MAN2A1: variants seen among roughly 807,000 people sequenced by gnomAD.
MAN2A1 encodes the protein mannosidase alpha class 2A member 1, also known as alpha-mannosidase 2.
In MAN2A1, 76 loss-of-function variants were observed where a neutral mutation model predicts 142.6. The observed-to-expected ratio is 0.53, with a 90% CI of 0.44 to 0.65. The LOEUF (loss-of-function observed/expected upper bound fraction) is 0.65. MAN2A1 is among the 30% of genes least tolerant of loss of function. The pLI is 0.00. For synonymous variants in MAN2A1, 559 were observed against 473.2 expected (o/e 1.18, Z -2.35); for missense variants, 1,311 against 1,365.1 (o/e 0.96, Z 0.62).
At position 109,793,748 on chromosome 5, in the gene MAN2A1, C is replaced by T. The variant is rs897155705; in HGVS notation, c.1943+4221C>T. 4.6e-5 allele frequency among the ~76,000 whole-genome samples: 7 copies of T among 152,046 alleles called. No individual in the cohort carries two copies. In the East Asian group the frequency reaches 7.7e-4, roughly 17 times the overall value. On this transcript the variant is annotated intron_variant, in intron 12 of 21. Transcript: ENST00000261483. ...CATTGCATTCTTACAGAGTTAACTT[C>T]GTTAAGATTGGATATTGGGTGAATG...
chr5:109,800,292 C>A (rs1353456881), intron 12 of MAN2A1, among the ~76,000 whole-genome samples: 1 of 152,132 alleles, frequency 6.6e-6, no homozygotes, highest in African/African-American at 2.4e-5. Flanking sequence ...CATATGACTC[C>A]ATGGGACTGT....
In MAN2A1 at chr5:109,755,316, A is replaced by G. The variant is rs1345479786; in HGVS notation, c.708-13A>G. ...ACATTTATTAATGTAGACTCTTGTT[A>G]TTTTCTCTCTAGTTTAATAGAAAAT... On this transcript the variant is annotated splice_polypyrimidine_tract_variant and intron_variant, in intron 4 of 21. Coordinates refer to ENST00000261483, the MANE Select transcript of MAN2A1 (RefSeq NM_002372.4). 1 of 1,602,428 alleles carries G rather than the reference A, an allele frequency of 6.2e-7. No individual in the cohort carries two copies.
At chr5:109,777,717 A>T (rs1045179614) in intron 8 of MAN2A1, among the ~76,000 whole-genome samples, 1 of 152,112 alleles carries the variant, frequency 6.6e-6, no homozygotes, top group African/African-American at 2.4e-5. Context: ...TCTATAATCT[A>T]TCTGAAATGG....
At chr5:109,850,210 A>T (rs73781826) in intron 19 of MAN2A1, among the ~76,000 whole-genome samples, 62 of 152,248 alleles carry the variant, frequency 4.1e-4, no homozygotes, top group African/African-American at 1.4e-3. Context: ...TGCCTAATAT[A>T]TGTCATATGA....
intron 4 of MAN2A1, among the ~76,000 whole-genome samples, chr5:109,745,899 G>A (rs1421718779): frequency 6.6e-6 from 1 of 152,194 alleles, no homozygotes; most frequent in Non-Finnish European, 1.5e-5. Context: ...TTATAGGTGT[G>A]AGCCACTGCA....
chr5:109,786,913 C>G (rs1582896538), intron 10 of MAN2A1, among the ~76,000 whole-genome samples: 1 of 151,994 alleles, frequency 6.6e-6, no homozygotes, highest in South Asian at 2.1e-4. Flanking sequence ...GGTATGGCAG[C>G]TCTGCAGTGT....
chr5:109,832,864 A>T (rs1197014712), intron 16 of MAN2A1, among the ~76,000 whole-genome samples: 1 of 144,962 alleles, frequency 6.9e-6, no homozygotes, highest in Non-Finnish European at 1.5e-5. Flanking sequence ...GGGGCTCCTC[A>T]CTTCCCAGAC....
At chr5:109,777,883 G>T (rs561227238) in intron 8 of MAN2A1, among the ~76,000 whole-genome samples, 1 of 152,172 alleles carries the variant, frequency 6.6e-6, no homozygotes, top group South Asian at 2.1e-4. Context: ...GTGTGGGTCT[G>T]TGTCTACACT....
chr5:109,718,383 T>G (rs1369215049), intron 3 of MAN2A1, among the ~76,000 whole-genome samples: 1 of 152,250 alleles, frequency 6.6e-6, no homozygotes, highest in African/African-American at 2.4e-5. Context: ...CATGGTTTAC[T>G]GGGCAGAATG....
intron 4 of MAN2A1, among the ~76,000 whole-genome samples, chr5:109,751,334 A>G (rs550964603): frequency 7.9e-5 from 12 of 152,176 alleles, no homozygotes; most frequent in African/African-American, 2.9e-4. Context: ...ATGATTTCAT[A>G]GGTTTTTATG....
At chr5:109,801,037 T>C (rs187981157) in intron 12 of MAN2A1, among the ~76,000 whole-genome samples, 1 of 152,370 alleles carries the variant, frequency 6.6e-6, no homozygotes, top group East Asian at 1.9e-4. Flanking sequence ...CAATATGACT[T>C]CTTGTATGTA....
Position 109,767,682 on chromosome 5 carries a change from T to G in MAN2A1, c.983T>G (p.Leu328Trp). Residue 328 changes from leucine (L) to tryptophan (W), a missense_variant, in exon 6 of 22, where the codon TTG (leucine) becomes TGG (tryptophan). This residue lies in a region of MAN2A1 where 409 missense variants were observed against 412.7 expected (regional missense o/e 0.99). Coordinates refer to ENST00000261483, the MANE Select transcript of MAN2A1 (RefSeq NM_002372.4). The part of the protein sequence containing the change: ...VKKHFALHKT[L>W]EFFWRQNWDL... ...AAACACTTTGCACTGCATAAAACAT[T>G]GGAGTTTTTTTGGAGACAGAATTGG... 1.9e-6 allele frequency: 3 copies of G among 1,612,782 alleles called. No individual in the cohort carries two copies. Among genetic ancestry groups the G allele is most frequent in the Non-Finnish European group, 2.5e-6 (3 of 1,179,508 alleles).
rs147316254 is a variant in MAN2A1 at position 109,706,057 on chromosome 5, T to G, written c.136-7463T>G. Among the ~76,000 whole-genome samples, 357 of 152,352 alleles carry G rather than the reference T, an allele frequency of 2.3e-3. 5 individuals are homozygous for G. The highest frequency in any genetic ancestry group is 7.9e-3 in the African/African-American group (327 of 41,578). The stretch of plus-strand genomic sequence containing the variant: ...ATTTCAGGGATTATTAGGACAGGGA[T>G]ATCTTTGACTAAACATTATTCTGCT... On this transcript the variant is annotated intron_variant, in intron 1 of 21. Coordinates refer to ENST00000261483, the MANE Select transcript of MAN2A1 (RefSeq NM_002372.4).
At chr5:109,784,718 TA>T in intron 9 of MAN2A1, 25 bp from the exon 10 acceptor site, 2 of 1,515,184 alleles carry the variant, frequency 1.3e-6, no homozygotes, top group Non-Finnish European at 1.8e-6. Flanking sequence ...TGTTTTAAAA[TA>T]AAAATATGAC....
intron 12 of MAN2A1, among the ~76,000 whole-genome samples, chr5:109,794,625 C>T (rs1753816184): frequency 2.0e-5 from 3 of 152,044 alleles, no homozygotes; most frequent in African/African-American, 7.2e-5. Flanking sequence ...CTGTTTTGAA[C>T]TTTTCTTTTG....
chr5:109,726,531 A>G (rs1052596408), intron 3 of MAN2A1, among the ~76,000 whole-genome samples: 22 of 152,162 alleles, frequency 1.4e-4, no homozygotes, highest in Non-Finnish European at 1.3e-4. Flanking sequence ...ATTTTGGCTC[A>G]TGTGAATGTC....
chr5:109,733,825 T>G (rs568714748), intron 4 of MAN2A1, among the ~76,000 whole-genome samples: 6 of 152,310 alleles, frequency 3.9e-5, no homozygotes, highest in Non-Finnish European at 5.9e-5. Context: ...AAAATTCTCT[T>G]TTTTGGTTGT....
intron 8 of MAN2A1, among the ~76,000 whole-genome samples, chr5:109,779,613 T>C (rs1256015087): frequency 6.6e-6 from 1 of 151,844 alleles, no homozygotes; most frequent in Admixed American, 6.6e-5. Flanking sequence ...CTAGTAATGC[T>C]TGTGAGTAAT....
Position 109,690,257 on chromosome 5 carries a change from G to A in MAN2A1, c.-161G>A. ...GCCAAGGGCGTGTGGTGGCGCCGGA[G>A]ACTAGGTGCGGAGCAAGGCGGGGAC... On this transcript the variant is annotated 5_prime_UTR_variant, in exon 1 of 22. Transcript: ENST00000261483. 5.8e-6 allele frequency: 4 copies of A among 690,890 alleles called. No individual in the cohort carries two copies. Among genetic ancestry groups the A allele is most frequent in the Non-Finnish European group, 1.0e-5 (4 of 398,770 alleles). The allele number at this position is 690,890 out of a possible 1,614,324, so 42.8% of individuals were successfully genotyped here.
Sources: gnomAD v4.1 joint callset for allele counts (sites outside exome capture counted in the v4.1 genomes callset) on GRCh38, gnomAD v4.1.1 for gene constraint, gnomAD v4.1.1 regional missense constraint, MANE v1.5 for transcripts, NCBI Gene and HGNC (gene_info 2026-07-23, HGNC 2026-07-21) for gene names.